MAP3K13: variants seen among roughly 807,000 people sequenced by gnomAD.
MAP3K13 encodes mitogen-activated protein kinase kinase kinase 13, also known as leucine zipper-bearing kinase.
Under a neutral mutation model 104.0 loss-of-function variants are expected in MAP3K13, and 52 were observed. The observed-to-expected ratio is 0.50, with a 90% CI of 0.40 to 0.63. The LOEUF (loss-of-function observed/expected upper bound fraction) is 0.63. MAP3K13 is among the 20% of genes least tolerant of loss of function. The probability of loss-of-function intolerance (pLI) is 0.00; values close to 1 mark genes in which losing one functional copy is unlikely to be tolerated. For synonymous variants in MAP3K13, 394 were observed against 442.2 expected, an observed-to-expected ratio of 0.89 and a Z score of 1.37; for missense variants, 914 against 1,218.5, an observed-to-expected ratio of 0.75 and a Z score of 3.72.
At chr3:185,336,898 G>GGCAA (rs1722526053) in intron 2 of MAP3K13, among the ~76,000 whole-genome samples, 1 of 151,978 alleles carries the variant, frequency 6.6e-6, no homozygotes, top group Non-Finnish European at 1.5e-5. Context: ...ACTTCCTCAT[G>GGCAA]TGCCATCTTA....
At chr3:185,349,872 T>C (rs1419710179) in intron 2 of MAP3K13, among the ~76,000 whole-genome samples, 2 of 152,210 alleles carry the variant, frequency 1.3e-5, no homozygotes, top group East Asian at 3.8e-4. Flanking sequence ...TACACTGCAG[T>C]AGGCAGGAAC....
At chr3:185,412,775 G>A (rs924338398) in intron 1 of MAP3K13, among the ~76,000 whole-genome samples, 1 of 152,198 alleles carries the variant, frequency 6.6e-6, no homozygotes, top group African/African-American at 2.4e-5. Context: ...TGGATCCAGA[G>A]TCAGGAGTGC....
At position 185,455,563 on chromosome 3, in the gene MAP3K13, A is replaced by ATATATAT. The variant is rs1217413167; in HGVS notation, c.1278+4168_1278+4169insTATATAT. ...ATATGACATATATATGATATATATG[A>ATATATAT]GATATATATGACATATATATGATAT... is the stretch of plus-strand genomic sequence containing the variant. On this transcript the variant is annotated intron_variant, in intron 7 of 13. Transcript: ENST00000265026. Among the ~76,000 whole-genome samples the ATATATAT allele has an allele frequency of 2.7e-3, 50 of 18,324 alleles. 4 individuals are homozygous for ATATATAT. The highest frequency in any genetic ancestry group is 4.6e-3 in the Non-Finnish European group (36 of 7,804). The allele number at this position is 18,324 out of a possible 152,430, so 12.0% of individuals were successfully genotyped here.
chr3:185,449,203 C>T (rs1351755351), intron 5 of MAP3K13, among the ~76,000 whole-genome samples: 3 of 151,956 alleles, frequency 2.0e-5, no homozygotes, highest in Admixed American at 6.6e-5. Context: ...GAAATCCCAT[C>T]TCCACTAAAA....
At chr3:185,370,452 G>A (rs11719253) in intron 1 of MAP3K13, among the ~76,000 whole-genome samples, 109,608 of 151,650 alleles carry the variant, frequency 0.72, 42,060 homozygotes, top group Non-Finnish European at 0.86. Flanking sequence ...TGCCTTGGCC[G>A]CCCAAAGTGC....
intron 8 of MAP3K13, among the ~76,000 whole-genome samples, chr3:185,465,364 A>G (rs940176216): frequency 2.0e-5 from 3 of 152,192 alleles, no homozygotes; most frequent in Non-Finnish European, 4.4e-5. Flanking sequence ...ACCAACCACT[A>G]TATCACACAG....
At chr3:185,410,408 AATTCTAC>A (rs1713368558) in intron 1 of MAP3K13, among the ~76,000 whole-genome samples, 1 of 152,150 alleles carries the variant, frequency 6.6e-6, no homozygotes, top group African/African-American at 2.4e-5. Context: ...AGGAGGAATA[AATTCTAC>A]AGCTATAGCG....
At chr3:185,436,864 G>A (rs892597235) in intron 2 of MAP3K13, among the ~76,000 whole-genome samples, 2 of 151,884 alleles carry the variant, frequency 1.3e-5, no homozygotes, top group African/African-American at 4.8e-5. Flanking sequence ...AGCCAGACAT[G>A]GTGGCTGGTG....
intron 1 of MAP3K13, among the ~76,000 whole-genome samples, chr3:185,406,268 T>C (rs1713109631): frequency 6.6e-6 from 1 of 152,358 alleles, no homozygotes; most frequent in African/African-American, 2.4e-5. Context: ...AGCCATTCTT[T>C]TTGTAGCACC....
chr3:185,367,311 TA>T (rs1256176312), intron 1 of MAP3K13, among the ~76,000 whole-genome samples: 2 of 152,160 alleles, frequency 1.3e-5, no homozygotes, highest in Non-Finnish European at 2.9e-5. Flanking sequence ...GATGTATTTT[TA>T]AAAAGCTTCC....
intron 2 of MAP3K13, chr3:185,329,326 T>G (rs1319427601): frequency 2.9e-6 from 2 of 692,678 alleles, no homozygotes; most frequent in Non-Finnish European, 5.3e-6. Context: ...CCAGTTGCTT[T>G]TCCTCTGGTT....
rs1189315031 is a variant in MAP3K13 at position 185,363,348 on chromosome 3, G to C, written c.-106G>C. ...TCAAAGCAAGAAAATGGAACAGCAT[G>C]TGTAGGAATTCTTCGTTGTTGTGAG... On this transcript the variant is annotated 5_prime_UTR_variant, in exon 1 of 14. The change abolishes an upstream ATG in the 5' untranslated region. Transcript: ENST00000265026. 1.0e-5 allele frequency: 10 copies of C among 985,176 alleles called. No homozygotes were observed. The highest frequency in any genetic ancestry group is 1.1e-5 in the Non-Finnish European group (9 of 829,824). 61.0% of individuals were successfully genotyped at this position (985,176 alleles called of 1,614,324 possible).
At chr3:185,406,355 G>A (rs1713113616) in intron 1 of MAP3K13, among the ~76,000 whole-genome samples, 1 of 152,220 alleles carries the variant, frequency 6.6e-6, no homozygotes, top group African/African-American at 2.4e-5. Context: ...ATATTTAGAA[G>A]TATGCTAAGT....
rs943063522 is a variant in MAP3K13, at chr3:185,388,550, A to G, written c.-86+25182A>G. 3.3e-5 allele frequency among the ~76,000 whole-genome samples: 5 copies of G among 152,152 alleles called. 1 individual carries two copies. The East Asian group carries it at 9.6e-4, about 29-fold the overall frequency. ...AATTGAAGAGAACACAAACAAATGGACAGCTATCACATGCTCATGGATCGG... is the reference window on the plus strand; with the variant it reads ...AATTGAAGAGAACACAAACAAATGGGCAGCTATCACATGCTCATGGATCGG... On this transcript the variant is annotated intron_variant, in intron 1 of 13. Transcript: ENST00000265026.
chr3:185,328,206 T>TA (rs768356548), intron 2 of MAP3K13, among the ~76,000 whole-genome samples: 163 of 152,246 alleles, frequency 1.1e-3, no homozygotes, highest in Admixed American at 2.4e-3. Context: ...CTTTCACTAG[T>TA]AAAAAAGTCA....
Position 185,473,547 on chromosome 3 carries a change from A to G in MAP3K13, c.2216A>G (p.Gln739Arg). The G allele has an allele frequency of 1.2e-6, 2 of 1,614,236 alleles. No homozygotes were observed. The highest frequency in any genetic ancestry group is 1.7e-6 in the Non-Finnish European group (2 of 1,180,044). The change falls in exon 11 of 14, where the codon CAG becomes CGG. Residue 739 changes from glutamine to arginine, a missense_variant. Gln to Arg is a conservative substitution (Grantham distance 43). Coordinates refer to ENST00000265026, the MANE Select transcript of MAP3K13 (RefSeq NM_004721.5). This position sits in a 1 kb window ranked among gnomAD's most constrained non-coding sequence, Gnocchi z 4.9. ...CCCTGCCTTCAGTGCAGGCCAGAAC[A>G]GTATGGGTCCTTAGACATACCCTCT... ...YDPCLQCRPE[Q>R]YGSLDIPSAE...
chr3:185,442,010 G>T (rs13095446), intron 3 of MAP3K13, among the ~76,000 whole-genome samples: 120,821 of 148,578 alleles, frequency 0.81, 50,184 homozygotes, highest in East Asian at 0.91. Context: ...CACTGCACTC[G>T]AACCTGGGTG....
At chr3:185,399,626 C>CAGGGG in intron 1 of MAP3K13, among the ~76,000 whole-genome samples, 1 of 312 alleles carries the variant, frequency 3.2e-3, no homozygotes, top group African/African-American at 0.014. Context: ...GAGAGAAAGG[C>CAGGGG]GGGGGGGGGG....
intron 1 of MAP3K13, among the ~76,000 whole-genome samples, chr3:185,404,734 G>A (rs1287949260): frequency 2.0e-5 from 3 of 151,958 alleles, no homozygotes; most frequent in African/African-American, 4.8e-5. Flanking sequence ...CCGCCACCAC[G>A]CCCGGCTAAT....
Sources: allele counts gnomAD v4.1 joint callset (sites outside exome capture counted in the v4.1 genomes callset), GRCh38; gene constraint gnomAD v4.1.1; non-coding constraint Gnocchi (gnomAD v3.1); transcripts MANE v1.5; gene names NCBI Gene and HGNC (gene_info 2026-07-23, HGNC 2026-07-21).